The following LAMP3 variants were observed in gnomAD, a reference collection of about 807,000 sequenced individuals.
LAMP3 encodes the protein lysosome associated membrane protein 3, also known as lysosome-associated membrane glycoprotein 3.
LAMP3 carries 26 observed loss-of-function variants against 34.8 expected under a neutral mutation model. That is an observed-to-expected ratio of 0.75 (90% CI 0.55 to 1.04). LAMP3 has a LOEUF of 1.04. Among genes scored for constraint, LAMP3 ranks in the 50% least tolerant of loss-of-function variants. LAMP3 has a pLI of 0.00. For missense variants in LAMP3, 495 were observed against 524.0 expected (o/e 0.94, Z 0.54); for synonymous variants, 180 against 201.9 (o/e 0.89, Z 0.92).
Position 183,141,548 on chromosome 3 carries a change from T to C in LAMP3, c.889-953A>G, listed in dbSNP as rs1044082310. Among the ~76,000 whole-genome samples the C allele has an allele frequency of 6.6e-5, 10 of 152,186 alleles. No homozygotes were observed. The South Asian group carries it at 1.9e-3, about 28-fold the overall frequency. ...TGGCAGAGCAACCCAAATCAAAACC[T>C]GAAATTGAATTACTTTTAGAGGTTT... is the stretch of plus-strand genomic sequence containing the variant. On this transcript the variant is annotated intron_variant, in intron 3 of 5. Transcript: ENST00000265598.
At chr3:183,146,687 C>T (rs1720452052) in intron 3 of LAMP3, among the ~76,000 whole-genome samples, 1 of 151,876 alleles carries the variant, frequency 6.6e-6, no homozygotes, top group South Asian at 2.1e-4. Context: ...GCCACCACGT[C>T]CAGCTAATTT....
intron 1 of LAMP3, 148 bp from the exon 2 acceptor site, chr3:183,154,539 A>G: frequency 1.6e-6 from 1 of 636,940 alleles, no homozygotes; most frequent in South Asian, 2.0e-5. Context: ...ACAACAATGA[A>G]GCAAACATCA....
intron 3 of LAMP3, among the ~76,000 whole-genome samples, chr3:183,149,537 T>A (rs1720548873): frequency 1.4e-5 from 1 of 72,562 alleles, no homozygotes; most frequent in Non-Finnish European, 2.4e-5. Context: ...AGAGCGAGAC[T>A]CCAACTCAAA....
At chr3:183,152,297 T>C in intron 3 of LAMP3, 78 bp downstream of exon 3, 1 of 1,455,612 alleles carries the variant, frequency 6.9e-7, no homozygotes, top group African/African-American at 1.4e-5. Context: ...AAGTGTGGGG[T>C]TGCACCACCT....
rs971535996 is a variant in LAMP3 at position 183,126,707 on chromosome 3, C to G, written c.1118-2493G>C. Among the ~76,000 whole-genome samples, 6 of 152,008 alleles carry G rather than the reference C, an allele frequency of 3.9e-5. No individual in the cohort carries two copies. The South Asian group carries it at 8.3e-4, about 21-fold the overall frequency. On this transcript the variant is annotated intron_variant, in intron 5 of 5. Coordinates refer to ENST00000265598, the MANE Select transcript of LAMP3 (RefSeq NM_014398.4). ...GTAAAACCAATTACCCCAAGACCAT[C>G]CACCAAGAAATGTCATTGCTAATAT...
chr3:183,132,704 AG>A, intron 5 of LAMP3: 1 of 985,460 alleles, frequency 1.0e-6, no homozygotes, highest in Non-Finnish European at 1.2e-6. Context: ...TTTCCTAATC[AG>A]CTCAGGAGGG....
intron 5 of LAMP3, chr3:183,133,022 A>T (rs1719974191): frequency 2.6e-6 from 2 of 765,170 alleles, no homozygotes; most frequent in African/African-American, 3.8e-5. Flanking sequence ...TGGCACTGCC[A>T]CATCTGCCTC....
At chr3:183,130,556 G>A (rs573353565) in intron 5 of LAMP3, among the ~76,000 whole-genome samples, 1 of 152,282 alleles carries the variant, frequency 6.6e-6, no homozygotes, top group South Asian at 2.1e-4. Context: ...TCATGCTTGA[G>A]CGTGGCAGTC....
In LAMP3 at chr3:183,122,389, T is replaced by C. The variant is rs897952504; in HGVS notation, c.*1692A>G. The C allele has an allele frequency of 6.6e-6, 1 of 152,184 alleles. No individual in the cohort carries two copies. Among genetic ancestry groups the C allele is most frequent in the Non-Finnish European group, 1.5e-5 (1 of 68,032 alleles). The allele number at this position is 152,184 out of a possible 1,614,324, so 9.4% of individuals were successfully genotyped here. On this transcript the variant is annotated 3_prime_UTR_variant, in exon 6 of 6. Coordinates refer to ENST00000265598, the MANE Select transcript of LAMP3 (RefSeq NM_014398.4). Reference sequence around the variant, plus strand: ...TAAGAATTCTAGGGTTATGTGGACTTTTCTGTTAACATCCTGACTTAGTTC... The same window carrying C: ...TAAGAATTCTAGGGTTATGTGGACTCTTCTGTTAACATCCTGACTTAGTTC...
At chr3:183,139,205 C>T (rs761595755) in intron 4 of LAMP3, among the ~76,000 whole-genome samples, 7 of 152,032 alleles carry the variant, frequency 4.6e-5, no homozygotes, top group African/African-American at 7.3e-5. Context: ...GCCTGACCAA[C>T]GTGGAGAAAC....
intron 1 of LAMP3, among the ~76,000 whole-genome samples, chr3:183,154,769 C>T (rs1475176053): frequency 6.6e-6 from 1 of 152,154 alleles, no homozygotes; most frequent in African/African-American, 2.4e-5. Context: ...AAATAGTGTT[C>T]CTGGGTGAAC....
chr3:183,127,146 T>A (rs1157064237), intron 5 of LAMP3, among the ~76,000 whole-genome samples: 1 of 152,184 alleles, frequency 6.6e-6, no homozygotes, highest in East Asian at 1.9e-4. Context: ...CCCCCAATTT[T>A]TTTTTTGAGA....
chr3:183,134,751 A>G (rs1206462000), intron 5 of LAMP3, among the ~76,000 whole-genome samples: 2 of 152,212 alleles, frequency 1.3e-5, no homozygotes, highest in African/African-American at 4.8e-5. Context: ...CACATCTGCA[A>G]TTTCATGATG....
At chr3:183,130,303 C>T (rs896491235) in intron 5 of LAMP3, among the ~76,000 whole-genome samples, 2 of 151,794 alleles carry the variant, frequency 1.3e-5, no homozygotes, top group African/African-American at 2.4e-5. Flanking sequence ...GGACTACATG[C>T]GCCTGCCACC....
chr3:183,156,048 T>A (rs1720812928), intron 1 of LAMP3, among the ~76,000 whole-genome samples: 1 of 152,120 alleles, frequency 6.6e-6, no homozygotes, highest in South Asian at 2.1e-4. Flanking sequence ...CACATAGGGA[T>A]CCAGAAAAGT....
intron 1 of LAMP3, chr3:183,162,025 C>T: frequency 1.0e-6 from 1 of 979,964 alleles, no homozygotes; most frequent in Non-Finnish European, 1.2e-6. Context: ...TCTCTCATGA[C>T]GTTCGAGTAA....
At chr3:183,158,870 T>C (rs1720895582) in intron 1 of LAMP3, among the ~76,000 whole-genome samples, 1 of 125,502 alleles carries the variant, frequency 8.0e-6, no homozygotes, top group South Asian at 3.1e-4. Context: ...CTTCTCAGTG[T>C]GACAAGTGTT....
intron 3 of LAMP3, among the ~76,000 whole-genome samples, chr3:183,150,599 G>T (rs1462429410): frequency 7.8e-6 from 1 of 127,926 alleles, no homozygotes; most frequent in Non-Finnish European, 1.6e-5. Context: ...GAGAGCAGTG[G>T]TGCAATCATT....
chr3:183,129,588 T>G (rs1191947493), intron 5 of LAMP3, among the ~76,000 whole-genome samples: 1 of 152,158 alleles, frequency 6.6e-6, no homozygotes, highest in Non-Finnish European at 1.5e-5. Context: ...ATGCAGTGTA[T>G]TGCTTTGACA....
Sources: allele counts gnomAD v4.1 joint callset (sites outside exome capture counted in the v4.1 genomes callset), GRCh38; gene constraint gnomAD v4.1.1; transcripts MANE v1.5; gene names NCBI Gene and HGNC (gene_info 2026-07-23, HGNC 2026-07-21).